The following DRG2 variants were observed in gnomAD, a reference collection of about 807,000 sequenced individuals.
DRG2 encodes the protein developmentally regulated GTP binding protein 2, also known as developmentally-regulated GTP-binding protein 2.
DRG2 carries 36 observed loss-of-function variants against 53.4 expected under a neutral mutation model. The observed-to-expected ratio is 0.67, with a 90% CI of 0.52 to 0.89. The LOEUF is 0.89. Ranked by LOEUF, DRG2 falls within the 40% of genes least tolerant of loss-of-function variation. The probability of loss-of-function intolerance (pLI) is 0.00; values close to 1 mark genes in which losing one functional copy is unlikely to be tolerated. For synonymous variants in DRG2, 167 were observed against 192.1 expected (o/e 0.87, Z 1.08); for missense variants, 342 against 481.2 (o/e 0.71, Z 2.71).
rs2045513566 is a variant in DRG2, at chr17:18,100,547, C to T, written c.541-22C>T. 6.2e-7 allele frequency: 1 copy of T among 1,613,978 alleles called. No individual in the cohort carries two copies. Among genetic ancestry groups the T allele is most frequent in the South Asian group, 1.1e-5 (1 of 91,082 alleles). On this transcript the variant is annotated intron_variant, in intron 6 of 12. Transcript: ENST00000225729. The surrounding 1 kb of genome is among the most constrained non-coding windows in gnomAD (Gnocchi z 4.1). ...GTGACCCCTCGGTCAGCAGTTCTCC[C>T]CATCCCTTTCTCCTCTTTCAGCCCA...
chr17:18,088,153 G>A (rs749759737), intron 1 of DRG2, 66 bp downstream of exon 1: 142 of 1,500,614 alleles, frequency 9.5e-5, no homozygotes, highest in Non-Finnish European at 1.2e-4. Context: ...TAAAATGGGG[G>A]AACAACTCCA....
chr17:18,101,177 C>A (rs556804276), intron 7 of DRG2, among the ~76,000 whole-genome samples: 1 of 152,316 alleles, frequency 6.6e-6, no homozygotes, highest in Non-Finnish European at 1.5e-5. Flanking sequence ...CTGGGTTCGA[C>A]CAGCTTTCAG....
chr17:18,088,759 G>A (rs2045261467), intron 1 of DRG2, among the ~76,000 whole-genome samples: 1 of 152,162 alleles, frequency 6.6e-6, no homozygotes, highest in Non-Finnish European at 1.5e-5. Context: ...ACATAATGAA[G>A]CCTCAAATCT....
At chr17:18,104,582 C>A in intron 10 of DRG2, 41 bp from the exon 11 acceptor site, 3 of 1,613,298 alleles carry the variant, frequency 1.9e-6, no homozygotes, top group Non-Finnish European at 2.5e-6. Context: ...GCAGTGTGGG[C>A]CCTGATGTGT....
chr17:18,106,776 G>A (rs1323045310), intron 12 of DRG2, among the ~76,000 whole-genome samples: 1 of 142,020 alleles, frequency 7.0e-6, no homozygotes, highest in South Asian at 2.2e-4. Flanking sequence ...GTGCAGCCTC[G>A]ACATCTGTGC....
chr17:18,093,319 AT>A (rs35706658), intron 1 of DRG2, among the ~76,000 whole-genome samples: 54,464 of 140,940 alleles, frequency 0.39, 10,549 homozygotes, highest in South Asian at 0.69. Flanking sequence ...AAGAGGCGGG[AT>A]TTTTTTTTTT....
chr17:18,098,179 C>T lies in DRG2; in HGVS notation c.226-91C>T. 9.6e-7 allele frequency: 1 copy of T among 1,043,542 alleles called. No homozygotes were observed. Among genetic ancestry groups the T allele is most frequent in the South Asian group, 1.3e-5 (1 of 75,534 alleles). 64.6% of individuals were successfully genotyped at this position (1,043,542 alleles called of 1,614,324 possible). On this transcript the variant is annotated intron_variant, in intron 2 of 12. Transcript: ENST00000225729. The surrounding 1 kb of genome is among the most constrained non-coding windows in gnomAD (Gnocchi z 4.1). ...CCGAGGGTGAGAGGGTCTCCTCCTG[C>T]TGCCTGCACCTGCAGGCCCCCAGCC...
chr17:18,090,368 TTATATATATATATATATATATA>T (rs1242491729), intron 1 of DRG2, among the ~76,000 whole-genome samples: 1,242 of 25,504 alleles, frequency 0.049, 118 homozygotes, highest in African/African-American at 0.093. Flanking sequence ...CCGGGCTAAT[TTATATATATATATATATATATA>T]TATATATATA....
At chr17:18,091,785 G>C (rs1387176340) in intron 1 of DRG2, 1 of 152,164 alleles carries the variant, frequency 6.6e-6, no homozygotes, top group African/African-American at 2.4e-5. Context: ...TTGAACCCTG[G>C]TGGCAGAGGT....
intron 2 of DRG2, among the ~76,000 whole-genome samples, chr17:18,094,431 C>T (rs1000395212): frequency 2.0e-5 from 3 of 152,160 alleles, no homozygotes; most frequent in Admixed American, 6.5e-5. Flanking sequence ...CGGCAGGTTT[C>T]TCTGGTGAGT....
At chr17:18,101,699 C>A in intron 8 of DRG2, 109 bp downstream of exon 8, 1 of 1,065,520 alleles carries the variant, frequency 9.4e-7, no homozygotes. Flanking sequence ...GAGGCTCTCC[C>A]CTCACCTCAC....
In DRG2 at chr17:18,099,568, C is replaced by T. The variant is rs1013645321; in HGVS notation, c.377-65C>T. 9.9e-6 allele frequency: 15 copies of T among 1,518,294 alleles called. No homozygotes were observed. The highest frequency in any genetic ancestry group is 4.9e-5 in the East Asian group (2 of 41,144). The allele number at this position is 1,518,294 out of a possible 1,614,324, so 94.1% of individuals were successfully genotyped here. A position where few individuals can be genotyped will look rare whatever the true frequency, so the allele number is the denominator to read the frequency against. ...GTCTGTAAAGGACAGGAGTCCAGGGCGCCGTGGGCTGGGTAGCAGTCACAT... is the reference window on the plus strand; with the variant it reads ...GTCTGTAAAGGACAGGAGTCCAGGGTGCCGTGGGCTGGGTAGCAGTCACAT... On this transcript the variant is annotated intron_variant, in intron 4 of 12. Coordinates refer to ENST00000225729, the MANE Select transcript of DRG2 (RefSeq NM_001388.5). The surrounding 1 kb of genome is among the most constrained non-coding windows in gnomAD (Gnocchi z 4.4).
In DRG2 at chr17:18,107,147, C is replaced by T. The variant is rs574433815; in HGVS notation, c.1009-7C>T. The T allele has an allele frequency of 7.4e-6, 12 of 1,613,140 alleles. No homozygotes were observed. The East Asian group carries it at 2.7e-4, about 36-fold the overall frequency. On this transcript the variant is annotated splice_polypyrimidine_tract_variant and splice_region_variant and intron_variant, in intron 12 of 12. Coordinates refer to ENST00000225729, the MANE Select transcript of DRG2 (RefSeq NM_001388.5). Reference sequence around the variant, plus strand: ...AGGTGACCCCTCTGCCCCCATTCCTCACCCAGGGCACCAGCACCAAGTACA... The same window carrying T: ...AGGTGACCCCTCTGCCCCCATTCCTTACCCAGGGCACCAGCACCAAGTACA...
At chr17:18,106,696 T>C (rs2045642704) in intron 12 of DRG2, among the ~76,000 whole-genome samples, 1 of 146,852 alleles carries the variant, frequency 6.8e-6, no homozygotes, top group African/African-American at 2.5e-5. Context: ...GGTTTTTTTT[T>C]TTTTTTTTTT....
At chr17:18,106,400 C>A (rs2045632009) in intron 11 of DRG2, 33 bp from the exon 12 acceptor site, 1 of 1,613,528 alleles carries the variant, frequency 6.2e-7, no homozygotes, top group South Asian at 1.1e-5. Flanking sequence ...GGTGAAGCCT[C>A]ACCTCTCTAC....
intron 1 of DRG2, among the ~76,000 whole-genome samples, chr17:18,090,368 T>TTTTATATA (rs2045295153): frequency 3.9e-5 from 1 of 25,518 alleles, no homozygotes; most frequent in Admixed American, 5.4e-4. Flanking sequence ...CCGGGCTAAT[T>TTTTATATA]TATATATATA....
In DRG2 at chr17:18,099,773, T is replaced by C; in HGVS notation, c.467+50T>C. On this transcript the variant is annotated intron_variant, in intron 5 of 12. Coordinates refer to ENST00000225729, the MANE Select transcript of DRG2 (RefSeq NM_001388.5). The surrounding 1 kb of genome is among the most constrained non-coding windows in gnomAD (Gnocchi z 4.4). ...GGCTCACATGTCTGGGGAGGGCCAA[T>C]GTGTCCCTGAGCTCGTACTAGGCGG... The C allele has an allele frequency of 6.5e-7, 1 of 1,545,930 alleles. No homozygotes were observed.
chr17:18,096,402 G>A (rs1350754145), intron 2 of DRG2: 1 of 152,142 alleles, frequency 6.6e-6, no homozygotes, highest in Non-Finnish European at 1.5e-5. Flanking sequence ...GATTCGTGGG[G>A]GGTTATTTTG....
At position 18,104,672 on chromosome 17, in the gene DRG2, G is replaced by A. The variant is rs1356051304; in HGVS notation, c.945G>A (p.Val315=). ...TCATTCTCCGGAAAGGGGCCTCAGTGGAGCACGTGGTGAGTTGACAAGACC... is the reference window on the plus strand; with the variant it reads ...TCATTCTCCGGAAAGGGGCCTCAGTAGAGCACGTGGTGAGTTGACAAGACC... ...DAIILRKGAS[V]EHVCHRIHRS... is the part of the protein sequence containing the mutation. The change falls in exon 11 of 13, where the codon GTG becomes GTA. Residue 315 remains valine, a synonymous_variant. Transcript: ENST00000225729. The A allele has an allele frequency of 6.2e-7, 1 of 1,613,904 alleles. No homozygotes were observed. Among genetic ancestry groups the A allele is most frequent in the East Asian group, 2.2e-5 (1 of 44,888 alleles).
Sources: allele counts gnomAD v4.1 joint callset (sites outside exome capture counted in the v4.1 genomes callset), GRCh38; gene constraint gnomAD v4.1.1; non-coding constraint Gnocchi (gnomAD v3.1); transcripts MANE v1.5; gene names NCBI Gene and HGNC (gene_info 2026-07-23, HGNC 2026-07-21).